Variants in DOK5 observed in about 807,000 individuals in gnomAD.
DOK5 encodes the protein downstream of tyrosine kinase 5.
In DOK5, 27 loss-of-function variants were observed where a neutral mutation model predicts 43.3. The observed-to-expected ratio is 0.62, with a 90% confidence interval of 0.46 to 0.86. The LOEUF (loss-of-function observed/expected upper bound fraction) is 0.86. Among genes scored for constraint, DOK5 ranks in the 40% least tolerant of loss-of-function variants. The pLI is 0.00. For missense variants in DOK5, 373 were observed against 392.9 expected, an observed-to-expected ratio of 0.95 and a Z score of 0.43; for synonymous variants, 146 against 140.1, an observed-to-expected ratio of 1.04 and a Z score of -0.30.
At chr20:54,623,997 G>C (rs1987066510) in intron 6 of DOK5, among the ~76,000 whole-genome samples, 2 of 152,230 alleles carry the variant, frequency 1.3e-5, no homozygotes, top group African/African-American at 4.8e-5. Context: ...GGAGCCGAGA[G>C]CTCTTGTTTC....
chr20:54,556,535 C>T (rs1312566220), intron 2 of DOK5, among the ~76,000 whole-genome samples: 4 of 152,152 alleles, frequency 2.6e-5, no homozygotes, highest in Non-Finnish European at 4.4e-5. Context: ...TATTATGGCC[C>T]AGTTATCCCT....
intron 6 of DOK5, among the ~76,000 whole-genome samples, chr20:54,635,490 C>G (rs1978782598): frequency 1.3e-5 from 2 of 152,186 alleles, no homozygotes; most frequent in Admixed American, 6.5e-5. Context: ...AACTCAGATA[C>G]TCCTTTCTGT....
At chr20:54,613,848 G>T (rs147115863) in intron 6 of DOK5, among the ~76,000 whole-genome samples, 1 of 152,104 alleles carries the variant, frequency 6.6e-6, no homozygotes, top group East Asian at 1.9e-4. Flanking sequence ...TTAAAAACTA[G>T]TTAGGTACAG....
At chr20:54,596,959 T>C (rs986896041) in intron 5 of DOK5, among the ~76,000 whole-genome samples, 6 of 152,162 alleles carry the variant, frequency 3.9e-5, no homozygotes, top group East Asian at 1.9e-4. Flanking sequence ...AAGAGAGATA[T>C]ATTACTACTC....
intron 3 of DOK5, 33 bp downstream of exon 3, chr20:54,588,630 T>G: frequency 6.2e-7 from 1 of 1,614,118 alleles, no homozygotes; most frequent in Non-Finnish European, 8.5e-7. Flanking sequence ...GGGCTTTTGC[T>G]TTTAGATTCT....
intron 1 of DOK5, among the ~76,000 whole-genome samples, chr20:54,480,183 T>C (rs1217744153): frequency 6.6e-6 from 1 of 152,146 alleles, no homozygotes. Context: ...AACTCCATCT[T>C]GAATAGGAGC....
At chr20:54,498,328 G>A (rs1474565121) in intron 1 of DOK5, among the ~76,000 whole-genome samples, 2 of 152,130 alleles carry the variant, frequency 1.3e-5, no homozygotes, top group Non-Finnish European at 2.9e-5. Context: ...ATAGCTCAGG[G>A]TTTTCAGCAA....
intron 6 of DOK5, among the ~76,000 whole-genome samples, chr20:54,622,508 C>T (rs1987013924): frequency 6.6e-6 from 1 of 152,196 alleles, no homozygotes; most frequent in South Asian, 2.1e-4. Context: ...CTCCCTGGAG[C>T]TGGGAGCTCC....
intron 6 of DOK5, among the ~76,000 whole-genome samples, chr20:54,611,697 T>C (rs1035813593): frequency 1.3e-5 from 2 of 152,222 alleles, no homozygotes; most frequent in African/African-American, 2.4e-5. Flanking sequence ...CAAATGTATA[T>C]ATAGAGCTTC....
intron 6 of DOK5, among the ~76,000 whole-genome samples, chr20:54,641,461 C>A (rs978388445): frequency 6.6e-6 from 1 of 151,354 alleles, no homozygotes; most frequent in Admixed American, 6.6e-5. Context: ...GGGATGTGTA[C>A]AGTGGAGACT....
At chr20:54,536,773 G>C (rs907163256) in intron 1 of DOK5, among the ~76,000 whole-genome samples, 1 of 152,192 alleles carries the variant, frequency 6.6e-6, no homozygotes, top group Non-Finnish European at 1.5e-5. Context: ...AAGGCCAAGT[G>C]GGGGACCTAG....
chr20:54,503,846 G>A (rs2146680549), intron 1 of DOK5, among the ~76,000 whole-genome samples: 1 of 152,298 alleles, frequency 6.6e-6, no homozygotes, highest in East Asian at 1.9e-4. Flanking sequence ...GGTGATTGAA[G>A]ACAAACTGCA....
At chr20:54,553,678 T>C (rs1049313056) in intron 1 of DOK5, among the ~76,000 whole-genome samples, 43 of 150,484 alleles carry the variant, frequency 2.9e-4, no homozygotes, top group African/African-American at 1.0e-3. Context: ...GGGTGGATCA[T>C]GAGGTGAGGA....
Position 54,610,422 on chromosome 20 carries a change from C to T in DOK5, c.634C>T (p.Gln212Ter), listed in dbSNP as rs1330673551. ...GACTGGTGAAGGGCTGTTTATCTTT[C>T]AGACCCGAGACGGGGAGGCCATCTA... ...CETGEGLFIFQTRDGEAIYQK... is the reference protein window; with the variant it reads ...CETGEGLFIF Residue 212 changes from glutamine (Q) to a stop codon, truncating the protein, a stop_gained, in exon 6 of 8, where the codon CAG (glutamine) becomes TAG (stop). Coordinates refer to ENST00000262593, the MANE Select transcript of DOK5 (RefSeq NM_018431.5). LOFTEE classifies it high-confidence loss of function. 1.3e-6 allele frequency: 2 copies of T among 1,595,672 alleles called. No homozygotes were observed. Among genetic ancestry groups the T allele is most frequent in the Non-Finnish European group, 1.7e-6 (2 of 1,171,934 alleles).
At chr20:54,554,519 A>G (rs1984644887) in intron 1 of DOK5, among the ~76,000 whole-genome samples, 1 of 152,226 alleles carries the variant, frequency 6.6e-6, no homozygotes, top group African/African-American at 2.4e-5. Flanking sequence ...GACAACCATG[A>G]GCTGCCAGAT....
intron 2 of DOK5, among the ~76,000 whole-genome samples, chr20:54,567,155 A>C (rs1206554650): frequency 6.6e-6 from 1 of 152,080 alleles, no homozygotes; most frequent in Non-Finnish European, 1.5e-5. Flanking sequence ...TCTTAACAGG[A>C]TCTTTTCCAG....
At chr20:54,506,554 G>A (rs1982811467) in intron 1 of DOK5, among the ~76,000 whole-genome samples, 1 of 152,142 alleles carries the variant, frequency 6.6e-6, no homozygotes, top group Admixed American at 6.5e-5. Context: ...TCCACCTCCT[G>A]GGTTCTAGCG....
At chr20:54,493,071 A>C (rs938420067) in intron 1 of DOK5, among the ~76,000 whole-genome samples, 39 of 151,478 alleles carry the variant, frequency 2.6e-4, no homozygotes, top group Non-Finnish European at 4.0e-4. Context: ...AAAAAAAAAA[A>C]AAAAAAAAAA....
chr20:54,552,028 A>C (rs1334481304), intron 1 of DOK5, among the ~76,000 whole-genome samples: 1 of 152,124 alleles, frequency 6.6e-6, no homozygotes, highest in Non-Finnish European at 1.5e-5. Flanking sequence ...GGGTTTTGTC[A>C]TATTGGCCAG....
Sources: gnomAD v4.1 joint callset for allele counts (sites outside exome capture counted in the v4.1 genomes callset) on GRCh38, gnomAD v4.1.1 for gene constraint, MANE v1.5 for transcripts, NCBI Gene and HGNC (gene_info 2026-07-23, HGNC 2026-07-21) for gene names.